POMT2: variants seen among roughly 807,000 people sequenced by gnomAD.
POMT2 encodes protein O-mannosyl-transferase 2.
In POMT2, 75 loss-of-function variants were observed where a neutral mutation model predicts 100.0. That is an observed-to-expected ratio of 0.75 (90% CI 0.62 to 0.91). The LOEUF (loss-of-function observed/expected upper bound fraction) is 0.91, where lower values mean the gene tolerates loss of function less well. POMT2 is among the 40% of genes least tolerant of loss of function. The pLI is 0.00. For missense variants in POMT2, 940 were observed against 955.1 expected, an observed-to-expected ratio of 0.98 and a Z score of 0.21; for synonymous variants, 378 against 374.1, an observed-to-expected ratio of 1.01 and a Z score of -0.12.
chr14:77,296,371 TC>T (rs1306983393), intron 8 of POMT2, 98 bp from the exon 9 acceptor site: 1 of 795,692 alleles, frequency 1.3e-6, no homozygotes, highest in Non-Finnish European at 2.1e-6. Context: ...TCACTAACCC[TC>T]TGCGAGACTC....
Position 77,320,654 on chromosome 14 carries a change from C to A in POMT2, c.28G>T (p.Ala10Ser), listed in dbSNP as rs770249787. Reference protein sequence around the residue: MPPATGGGLAESELRPRRGR... With the variant: MPPATGGGLSESELRPRRGR... ...CTCCGGGGACGCAGCTCGGACTCTG[C>A]CAGGCCTCCGCCCGTGGCCGGCGGC... The change falls in exon 1 of 21, where the codon GCA (alanine) becomes TCA (serine). Residue 10 changes from alanine (A) to serine (S), a missense_variant. Physicochemically the swap from Ala to Ser is moderately conservative, Grantham distance 99. Transcript: ENST00000261534. 11 of 1,593,724 alleles carry A rather than the reference C, an allele frequency of 6.9e-6. No homozygotes were observed. The highest frequency in any genetic ancestry group is 9.3e-6 in the Non-Finnish European group (11 of 1,178,142).
At chr14:77,279,737 C>T (rs1194128355) in intron 18 of POMT2, 86 bp downstream of exon 18, 2 of 1,331,790 alleles carry the variant, frequency 1.5e-6, no homozygotes, top group East Asian at 2.5e-5. Context: ...CAAAGGATGG[C>T]CCATCAGCAG....
Position 77,278,726 on chromosome 14 carries a change from G to A in POMT2, c.2032+3C>T. 1 of 1,613,910 alleles carries A rather than the reference G, an allele frequency of 6.2e-7. No homozygotes were observed. On this transcript the variant is annotated splice_donor_region_variant and intron_variant, in intron 19 of 20. Transcript: ENST00000261534. Reference sequence around the variant, plus strand: ...CTCCCAAGTCCAGGTGGGTGGCACTGACCTGTCAACATGCTTGAGAAGAGC... The same window carrying A: ...CTCCCAAGTCCAGGTGGGTGGCACTAACCTGTCAACATGCTTGAGAAGAGC...
intron 6 of POMT2, chr14:77,299,928 A>G: frequency 3.1e-6 from 1 of 318,868 alleles, no homozygotes; most frequent in Non-Finnish European, 6.2e-6. Context: ...TCCCAGCCCA[A>G]CCCATCACAT....
At chr14:77,277,509 T>G (rs576850612) in intron 20 of POMT2, 28 bp from the exon 21 acceptor site, 8 of 1,544,024 alleles carry the variant, frequency 5.2e-6, no homozygotes, top group African/African-American at 1.4e-5. Context: ...TAGGAGGCAG[T>G]TGGCACCCCC....
In POMT2 at chr14:77,309,833, C is replaced by T. The variant is rs149540755; in HGVS notation, c.333+2116G>A. Among the ~76,000 whole-genome samples, 1,467 of 152,256 alleles carry T rather than the reference C, an allele frequency of 9.6e-3. 12 individuals carry two copies. The highest frequency in any genetic ancestry group is 0.014 in the Non-Finnish European group (961 of 68,006). On this transcript the variant is annotated intron_variant, in intron 2 of 20. Transcript: ENST00000261534. ...AAATAGCTGAGACTACAGACGTGTGCCACCATGCCCAGCTAATTTTTGTAT... is the reference window on the plus strand; with the variant it reads ...AAATAGCTGAGACTACAGACGTGTGTCACCATGCCCAGCTAATTTTTGTAT...
rs1891867197 is a variant in POMT2 at position 77,320,781 on chromosome 14, G to A, written c.-100C>T. ...AAGAGGGCAGCTCGGGGTACCCCGG[G>A]AAATGCAACGCCCTTCACTGCAGCG... On this transcript the variant is annotated 5_prime_UTR_variant, in exon 1 of 21. Transcript: ENST00000261534. The A allele has an allele frequency of 2.7e-6, 4 of 1,488,808 alleles. No individual in the cohort carries two copies. In the Admixed American group the frequency reaches 6.9e-5, roughly 26 times the overall value. 92.2% of individuals were successfully genotyped at this position (1,488,808 alleles called of 1,614,324 possible).
At chr14:77,305,081 C>A (rs1214587607) in intron 3 of POMT2, among the ~76,000 whole-genome samples, 1 of 152,084 alleles carries the variant, frequency 6.6e-6, no homozygotes, top group Non-Finnish European at 1.5e-5. Context: ...AGAAAAGCAA[C>A]CAAGTAGCTA....
intron 6 of POMT2, chr14:77,300,482 C>A (rs1365701773): frequency 6.2e-6 from 1 of 160,078 alleles, no homozygotes; most frequent in Non-Finnish European, 1.4e-5. Context: ...TGTAAAGGCC[C>A]TTACTGGCCT....
chr14:77,278,955 G>A (rs760152055), intron 18 of POMT2, 86 bp from the exon 19 acceptor site: 2 of 1,484,814 alleles, frequency 1.3e-6, no homozygotes, highest in Admixed American at 3.8e-5. Flanking sequence ...CTTCCTTGCT[G>A]TGTGACCTTG....
rs754277895 is a variant in POMT2 at position 77,277,166 on chromosome 14, C to G, written c.*210G>C. 198 of 591,366 alleles carry G rather than the reference C, an allele frequency of 3.3e-4. No homozygotes were observed. The highest frequency in any genetic ancestry group is 3.9e-4 in the Admixed American group (15 of 38,954). 36.6% of individuals were successfully genotyped at this position (591,366 alleles called of 1,614,324 possible). On this transcript the variant is annotated 3_prime_UTR_variant, in exon 21 of 21. Coordinates refer to ENST00000261534, the MANE Select transcript of POMT2 (RefSeq NM_013382.7). ...GCAGCCCAAGAGGCGCTGTCCTCTC[C>G]GTGGTGCTGTGGACGGAGCTGCGGC... is the stretch of plus-strand genomic sequence containing the variant.
At position 77,287,540 on chromosome 14, in the gene POMT2, CTCTCTA is replaced by C. The variant is rs1566648805; in HGVS notation, c.1254-724_1254-719del. The C allele has an allele frequency of 6.2e-3, 559 of 90,240 alleles. 7 individuals are homozygous for C. Among genetic ancestry groups the C allele is most frequent in the African/African-American group, 0.02 (541 of 27,394 alleles). 5.6% of individuals were successfully genotyped at this position (90,240 alleles called of 1,614,324 possible). ...TCTGTCTCTCTCTCTCTCTCTCTCTCTCTCTATATATATATATATATACCCACACAC... is the reference window on the plus strand; with the variant it reads ...TCTGTCTCTCTCTCTCTCTCTCTCTCTATATATATATATATACCCACACAC... On this transcript the variant is annotated intron_variant, in intron 11 of 20. Transcript: ENST00000261534.
chr14:77,285,004 G>T lies in POMT2; in HGVS notation c.1522C>A (p.Leu508Met). The T allele has an allele frequency of 4.3e-6, 7 of 1,613,698 alleles. No homozygotes were observed. The highest frequency in any genetic ancestry group is 5.9e-6 in the Non-Finnish European group (7 of 1,179,594). The change falls in exon 14 of 21, where the codon CTG becomes ATG. Residue 508 changes from leucine to methionine, a missense_variant. Physicochemically the swap from Leu to Met is conservative, Grantham distance 15. Transcript: ENST00000261534. ...EQLEVTCTPYLKETLNSIWNV... is the reference protein window; with the variant it reads ...EQLEVTCTPYMKETLNSIWNV... ...CAGATGGAGTTGAGGGTTTCTTTCA[G>T]GTATGGGGTGCAAGTAACTTCCAAC...
chr14:77,285,064 A>C, intron 13 of POMT2, 23 bp from the exon 14 acceptor site: 1 of 1,567,032 alleles, frequency 6.4e-7, no homozygotes, highest in Non-Finnish European at 8.8e-7. Context: ...GAAGTCACAG[A>C]TGTCTCTCAG....
At chr14:77,309,385 T>C (rs903932125) in intron 2 of POMT2, among the ~76,000 whole-genome samples, 1 of 152,174 alleles carries the variant, frequency 6.6e-6, no homozygotes, top group African/African-American at 2.4e-5. Flanking sequence ...CAATGTGAAG[T>C]GGCAGGTCTT....
At chr14:77,303,400 T>C (rs886521608) in intron 4 of POMT2, among the ~76,000 whole-genome samples, 1 of 152,178 alleles carries the variant, frequency 6.6e-6, no homozygotes, top group African/African-American at 2.4e-5. Context: ...TTAAATCTCA[T>C]TATGTCATGC....
intron 15 of POMT2, among the ~76,000 whole-genome samples, chr14:77,282,640 G>A (rs561118487): frequency 1.3e-5 from 2 of 152,308 alleles, no homozygotes; most frequent in East Asian, 3.9e-4. Context: ...TCAGGCCACA[G>A]TGACAGCTAC....
intron 13 of POMT2, 87 bp downstream of exon 13, chr14:77,285,394 G>T: frequency 6.4e-7 from 1 of 1,560,156 alleles, no homozygotes; most frequent in Non-Finnish European, 8.8e-7. Context: ...GGTGAACACA[G>T]GAAAACAAAA....
At chr14:77,285,718 G>A in intron 12 of POMT2, 86 bp from the exon 13 acceptor site, 1 of 1,473,764 alleles carries the variant, frequency 6.8e-7, no homozygotes, top group Non-Finnish European at 9.4e-7. Context: ...CCACCCAGAT[G>A]CCACCATGTT....
Sources: allele counts gnomAD v4.1 joint callset (sites outside exome capture counted in the v4.1 genomes callset), GRCh38; gene constraint gnomAD v4.1.1; transcripts MANE v1.5; gene names NCBI Gene and HGNC (gene_info 2026-07-23, HGNC 2026-07-21).